The following MAPK4 variants were observed in gnomAD, a reference collection of about 807,000 sequenced individuals.
The protein encoded by MAPK4 is Erk3-related.
MAPK4 carries 22 observed loss-of-function variants against 47.7 expected under a neutral mutation model. That is an observed-to-expected ratio of 0.46 (90% CI 0.33 to 0.66). The LOEUF (loss-of-function observed/expected upper bound fraction) is 0.66, where lower values mean the gene tolerates loss of function less well. MAPK4 is among the 30% of genes least tolerant of loss of function. The pLI, the probability that MAPK4 is intolerant of heterozygous loss-of-function variation, is 0.02. For synonymous variants in MAPK4, 390 were observed against 365.7 expected (o/e 1.07, Z -0.76); for missense variants, 736 against 831.7 (o/e 0.88, Z 1.42).
intron 1 of MAPK4, among the ~76,000 whole-genome samples, chr18:50,571,511 T>C (rs552632629): frequency 4.6e-5 from 7 of 152,250 alleles, no homozygotes; most frequent in Non-Finnish European, 8.8e-5. Flanking sequence ...ACCATGACAT[T>C]TGAAAACTTT....
At chr18:50,690,210 T>G (rs1389141115) in intron 2 of MAPK4, among the ~76,000 whole-genome samples, 2 of 152,228 alleles carry the variant, frequency 1.3e-5, no homozygotes, top group Non-Finnish European at 2.9e-5. Context: ...CTGGCCTTGC[T>G]TCTTCCCAGG....
At chr18:50,703,202 C>T (rs931422085) in intron 2 of MAPK4, among the ~76,000 whole-genome samples, 1 of 152,146 alleles carries the variant, frequency 6.6e-6, no homozygotes, top group African/African-American at 2.4e-5. Flanking sequence ...TTCTCCATCC[C>T]CACTGCCTGT....
chr18:50,655,576 G>C (rs9953685), intron 1 of MAPK4, among the ~76,000 whole-genome samples: 1 of 151,904 alleles, frequency 6.6e-6, no homozygotes, highest in Non-Finnish European at 1.5e-5. Flanking sequence ...AGGGAGCAGC[G>C]CTTAATTTCA....
At chr18:50,595,691 G>A (rs2042475756) in intron 1 of MAPK4, among the ~76,000 whole-genome samples, 1 of 152,196 alleles carries the variant, frequency 6.6e-6, no homozygotes. Flanking sequence ...CTACCTACAT[G>A]TTAAGAGATA....
At chr18:50,613,126 A>G (rs1034562578) in intron 1 of MAPK4, among the ~76,000 whole-genome samples, 1 of 152,198 alleles carries the variant, frequency 6.6e-6, no homozygotes, top group Admixed American at 6.5e-5. Context: ...GCCCCCCTGT[A>G]TAATCCTCTC....
chr18:50,604,846 A>T (rs1311862845), intron 1 of MAPK4, among the ~76,000 whole-genome samples: 1 of 152,240 alleles, frequency 6.6e-6, no homozygotes, highest in Admixed American at 6.5e-5. Context: ...GGTGACTAGG[A>T]TGTGATCCGG....
chr18:50,599,437 T>TTA (rs1568039975), intron 1 of MAPK4, among the ~76,000 whole-genome samples: 5 of 152,002 alleles, frequency 3.3e-5, no homozygotes, highest in East Asian at 1.9e-4. Flanking sequence ...TATTATTATT[T>TTA]TGAGACGGAG....
At chr18:50,690,926 G>C (rs186514361) in intron 2 of MAPK4, among the ~76,000 whole-genome samples, 1 of 152,160 alleles carries the variant, frequency 6.6e-6, no homozygotes, top group Non-Finnish European at 1.5e-5. Flanking sequence ...AGGTACCAAA[G>C]AGGTGTGAAG....
intron 2 of MAPK4, among the ~76,000 whole-genome samples, chr18:50,685,117 G>A (rs1199824500): frequency 6.6e-6 from 1 of 152,222 alleles, no homozygotes. Context: ...TGAGATTCAG[G>A]TGATCTGATT....
chr18:50,729,242 G>C lies in MAPK4; in HGVS notation c.1152G>C (p.Ala384=), dbSNP rs1311792028. 1 of 1,608,254 alleles carries C rather than the reference G, an allele frequency of 6.2e-7. No homozygotes were observed. Among genetic ancestry groups the C allele is most frequent in the African/African-American group, 1.3e-5 (1 of 74,930 alleles). The change falls in exon 6 of 6, where the codon GCG becomes GCC. Residue 384 remains alanine, a synonymous_variant. Coordinates refer to ENST00000400384, the MANE Select transcript of MAPK4 (RefSeq NM_002747.4). The part of the protein sequence containing the change: ...DASEVQRDPR[A]GSAPLAEDVQ... ...GCGAGGTACAGCGCGACCCGCGCGCGGGTTCGGCGCCACTGGCTGAGGACG... is the reference window on the plus strand; with the variant it reads ...GCGAGGTACAGCGCGACCCGCGCGCCGGTTCGGCGCCACTGGCTGAGGACG...
chr18:50,620,768 A>G (rs2042725047), intron 1 of MAPK4, among the ~76,000 whole-genome samples: 1 of 151,918 alleles, frequency 6.6e-6, no homozygotes, highest in African/African-American at 2.4e-5. Context: ...TATATATAGC[A>G]TAAAGAACAT....
chr18:50,706,313 C>T (rs1266359778), intron 2 of MAPK4, among the ~76,000 whole-genome samples: 1 of 152,104 alleles, frequency 6.6e-6, no homozygotes, highest in African/African-American at 2.4e-5. Flanking sequence ...CTCAAGACCT[C>T]TAGAGATGCT....
At chr18:50,700,576 C>T (rs1219180019) in intron 2 of MAPK4, among the ~76,000 whole-genome samples, 1 of 152,200 alleles carries the variant, frequency 6.6e-6, no homozygotes, top group African/African-American at 2.4e-5. Context: ...GCAGGACCCA[C>T]CAACCAGGGT....
intron 3 of MAPK4, among the ~76,000 whole-genome samples, chr18:50,718,175 C>T (rs1029797015): frequency 6.6e-6 from 1 of 152,142 alleles, no homozygotes; most frequent in African/African-American, 2.4e-5. Context: ...GAGGGAACAC[C>T]AGCAGGACAT....
At chr18:50,700,112 A>C (rs1338294178) in intron 2 of MAPK4, among the ~76,000 whole-genome samples, 2 of 152,168 alleles carry the variant, frequency 1.3e-5, no homozygotes, top group African/African-American at 2.4e-5. Flanking sequence ...AGTTGGGCTG[A>C]TACCACGTGG....
At chr18:50,627,164 G>A (rs2042786248) in intron 1 of MAPK4, among the ~76,000 whole-genome samples, 1 of 151,828 alleles carries the variant, frequency 6.6e-6, no homozygotes, top group Admixed American at 6.6e-5. Flanking sequence ...AGGCTTCCTG[G>A]GAGAGGCGGA....
chr18:50,683,716 T>C (rs1908713717), intron 2 of MAPK4, among the ~76,000 whole-genome samples: 1 of 152,104 alleles, frequency 6.6e-6, no homozygotes, highest in Non-Finnish European at 1.5e-5. Context: ...CAGATTATTT[T>C]TAAGAGTCCT....
rs1303346443 is a variant in MAPK4 at position 50,610,572 on chromosome 18, A to T, written c.-871+50329A>T. On this transcript the variant is annotated intron_variant, in intron 1 of 5. Transcript: ENST00000400384. ...CTGTTGGCAGAAACAACAGAGAGCC[A>T]GCTGTCAAGGAGCACTGTGATTTGC... Among the ~76,000 whole-genome samples, 8 of 152,250 alleles carry T rather than the reference A, an allele frequency of 5.3e-5. No individual in the cohort carries two copies. The East Asian group carries it at 1.5e-3, about 29-fold the overall frequency.
chr18:50,584,759 T>C (rs2042374929), intron 1 of MAPK4, among the ~76,000 whole-genome samples: 1 of 152,244 alleles, frequency 6.6e-6, no homozygotes, highest in Non-Finnish European at 1.5e-5. Flanking sequence ...CTGAAGGAGT[T>C]CATTTAATTC....
Sources: allele counts gnomAD v4.1 joint callset (sites outside exome capture counted in the v4.1 genomes callset), GRCh38; gene constraint gnomAD v4.1.1; transcripts MANE v1.5; gene names NCBI Gene and HGNC (gene_info 2026-07-23, HGNC 2026-07-21).